TTBK2: variants seen among roughly 807,000 people sequenced by gnomAD.
TTBK2 encodes tau-tubulin kinase 2.
Under a neutral mutation model 110.8 loss-of-function variants are expected in TTBK2, and 28 were observed. The observed-to-expected ratio is 0.25, with a 90% CI of 0.19 to 0.35. The LOEUF (loss-of-function observed/expected upper bound fraction) is 0.35, where lower values mean the gene tolerates loss of function less well. TTBK2 is among the 10% of genes least tolerant of loss of function. TTBK2 has a pLI of 1.00. For missense variants in TTBK2, 1,369 were observed against 1,500.3 expected, an observed-to-expected ratio of 0.91 and a Z score of 1.45; for synonymous variants, 532 against 527.3, an observed-to-expected ratio of 1.01 and a Z score of -0.12.
chr15:42,795,149 C>T (rs1263884063), intron 9 of TTBK2, among the ~76,000 whole-genome samples: 1 of 151,738 alleles, frequency 6.6e-6, no homozygotes, highest in African/African-American at 2.4e-5. Flanking sequence ...TTTGTCAAAA[C>T]AAAACAAAAC....
In TTBK2 at chr15:42,810,709, C is replaced by A; in HGVS notation, c.727G>T (p.Asp243Tyr). 6.2e-7 allele frequency: 1 copy of A among 1,613,550 alleles called. No homozygotes were observed. Among genetic ancestry groups the A allele is most frequent in the South Asian group, 1.1e-5 (1 of 91,030 alleles). Residue 243 changes from aspartate (D) to tyrosine (Y), a missense_variant, in exon 9 of 15, where the codon GAC (aspartate) becomes TAC (tyrosine). Asp to Tyr is a radical substitution (Grantham distance 160). Around this residue, in one of 4 missense-constraint regions of TTBK2, gnomAD observed 138 missense variants for 179.0 expected, o/e 0.77. Transcript: ENST00000267890. ...AGATGTTTCAACATGAGCCTGTGGTCATATCTCTCCTTAATAGAGCCTACT... is the reference window on the plus strand; with the variant it reads ...AGATGTTTCAACATGAGCCTGTGGTAATATCTCTCCTTAATAGAGCCTACT... ...EQVGSIKERY[D>Y]HRLMLKHLPP...
At chr15:42,886,368 A>G (rs1392102305) in intron 1 of TTBK2, among the ~76,000 whole-genome samples, 1 of 152,142 alleles carries the variant, frequency 6.6e-6, no homozygotes, top group Non-Finnish European at 1.5e-5. Flanking sequence ...GGCTGGAGCT[A>G]AAGGCATACT....
intron 4 of TTBK2, among the ~76,000 whole-genome samples, chr15:42,831,389 G>A (rs1016097556): frequency 6.6e-6 from 1 of 152,028 alleles, no homozygotes; most frequent in Non-Finnish European, 1.5e-5. Flanking sequence ...ATACTGTGTG[G>A]TACACAACAG....
chr15:42,829,950 T>C lies in TTBK2; in HGVS notation c.420A>G (p.Arg140=), dbSNP rs765009909. ...AAAAGGTCCCTACCGGTTTGATGTC[T>C]CGATGCAAGAATCCCACAGAATGAA... ...ESIHSVGFLH[R]DIKPSNFAMG... is the part of the protein sequence containing the mutation. The change falls in exon 5 of 15, where the codon CGA becomes CGG. Residue 140 remains arginine, a synonymous_variant. Coordinates refer to ENST00000267890, the MANE Select transcript of TTBK2 (RefSeq NM_173500.4). 1.8e-5 allele frequency: 29 copies of C among 1,614,168 alleles called. No homozygotes were observed. In the South Asian group the frequency reaches 3.0e-4, roughly 16 times the overall value.
At chr15:42,876,923 C>T (rs1596012344) in intron 2 of TTBK2, among the ~76,000 whole-genome samples, 2 of 151,864 alleles carry the variant, frequency 1.3e-5, no homozygotes, top group East Asian at 1.9e-4. Context: ...TACCATTCAC[C>T]GAAACACATC....
Position 42,859,586 on chromosome 15 carries a change from G to A in TTBK2, c.217+13025C>T, listed in dbSNP as rs568069876. ...AACTGAGAACTAATAATAGGACTAT[G>A]GAATGCCTCCCCTCTCTCCACCCAT... On this transcript the variant is annotated intron_variant, in intron 3 of 14. Transcript: ENST00000267890. Among the ~76,000 whole-genome samples the A allele has an allele frequency of 4.6e-5, 7 of 152,238 alleles. No homozygotes were observed. The South Asian group carries it at 1.5e-3, about 32-fold the overall frequency.
At chr15:42,791,370 A>G (rs1890674910) in intron 10 of TTBK2, among the ~76,000 whole-genome samples, 1 of 152,140 alleles carries the variant, frequency 6.6e-6, no homozygotes, top group African/African-American at 2.4e-5. Flanking sequence ...CAGTTTTAAC[A>G]TATTATTTTG....
intron 1 of TTBK2, among the ~76,000 whole-genome samples, chr15:42,892,732 G>A (rs568592948): frequency 2.8e-4 from 40 of 141,044 alleles, no homozygotes; most frequent in South Asian, 4.6e-4. Context: ...AAAAAAAGCC[G>A]GGCACGGTGG....
chr15:42,818,879 A>T (rs1285887459), intron 6 of TTBK2, among the ~76,000 whole-genome samples: 3 of 138,102 alleles, frequency 2.2e-5, no homozygotes, highest in Non-Finnish European at 4.8e-5. Flanking sequence ...GCCAAGATTG[A>T]GCCACTGCAC....
chr15:42,844,384 C>T (rs1400723940), intron 3 of TTBK2, among the ~76,000 whole-genome samples: 1 of 152,044 alleles, frequency 6.6e-6, no homozygotes, highest in Non-Finnish European at 1.5e-5. Context: ...CATGGCAAGG[C>T]CCCAACTCTA....
At chr15:42,764,530 G>C (rs774668150) in intron 13 of TTBK2, among the ~76,000 whole-genome samples, 5 of 152,388 alleles carry the variant, frequency 3.3e-5, no homozygotes, top group Non-Finnish European at 7.3e-5. Context: ...AGATCAACTT[G>C]TGAGGCAGCA....
intron 4 of TTBK2, among the ~76,000 whole-genome samples, chr15:42,837,125 C>A (rs1013044693): frequency 6.6e-6 from 1 of 151,914 alleles, no homozygotes; most frequent in Non-Finnish European, 1.5e-5. Context: ...TTTGGGAGAC[C>A]GAGGTGGGCA....
intron 4 of TTBK2, among the ~76,000 whole-genome samples, chr15:42,834,205 G>T (rs1335885726): frequency 6.7e-6 from 1 of 148,448 alleles, no homozygotes; most frequent in Non-Finnish European, 1.5e-5. Context: ...AAGGGGGGGG[G>T]TGTATAAAAG....
chr15:42,750,489 C>T (rs535088665), intron 14 of TTBK2, among the ~76,000 whole-genome samples: 1 of 151,766 alleles, frequency 6.6e-6, no homozygotes, highest in East Asian at 1.9e-4. Flanking sequence ...TAGATGGATT[C>T]GAGAGCAGAT....
At chr15:42,881,858 G>T (rs1027540743) in intron 1 of TTBK2, among the ~76,000 whole-genome samples, 1 of 151,190 alleles carries the variant, frequency 6.6e-6, no homozygotes, top group Non-Finnish European at 1.5e-5. Flanking sequence ...GCAACAGAAC[G>T]AGACTCTGTC....
chr15:42,794,177 A>G (rs1427802796), intron 10 of TTBK2, among the ~76,000 whole-genome samples: 1 of 152,152 alleles, frequency 6.6e-6, no homozygotes, highest in Non-Finnish European at 1.5e-5. Flanking sequence ...AGGAAAAAAC[A>G]TTAACAATAA....
intron 4 of TTBK2, among the ~76,000 whole-genome samples, chr15:42,831,401 T>G (rs1394719715): frequency 6.6e-6 from 1 of 152,086 alleles, no homozygotes; most frequent in Non-Finnish European, 1.5e-5. Flanking sequence ...ACACAACAGG[T>G]ACTCAACATA....
intron 1 of TTBK2, among the ~76,000 whole-genome samples, chr15:42,892,660 G>GT (rs1289165036): frequency 1.6e-5 from 2 of 125,856 alleles, no homozygotes; most frequent in Non-Finnish European, 3.2e-5. Context: ...AGCTGTGATT[G>GT]TAAGACTGCA....
chr15:42,787,987 A>C (rs924975986), intron 10 of TTBK2, among the ~76,000 whole-genome samples: 13 of 152,204 alleles, frequency 8.5e-5, no homozygotes, highest in Admixed American at 8.5e-4. Context: ...AAACCTGTAC[A>C]GCATGTCACT....
Sources: gnomAD v4.1 joint callset for allele counts (sites outside exome capture counted in the v4.1 genomes callset) on GRCh38, gnomAD v4.1.1 for gene constraint, gnomAD v4.1.1 regional missense constraint, MANE v1.5 for transcripts, NCBI Gene and HGNC (gene_info 2026-07-23, HGNC 2026-07-21) for gene names.